The following SUN5 variants were observed in gnomAD, a reference collection of about 807,000 sequenced individuals.
SUN5 encodes Sad1 and UNC84 domain containing 5.
A neutral mutation model predicts 53.7 loss-of-function variants in SUN5; 44 were observed. The observed-to-expected ratio is 0.82, with a 90% CI of 0.64 to 1.05. The LOEUF is 1.05. Among genes scored for constraint, SUN5 ranks in the 50% least tolerant of loss-of-function variants. The probability of loss-of-function intolerance (pLI) is 0.00; values close to 1 mark genes in which losing one functional copy is unlikely to be tolerated. For synonymous variants in SUN5, 166 were observed against 179.8 expected (o/e 0.92, Z 0.62); for missense variants, 433 against 483.8 (o/e 0.90, Z 0.98).
chr20:32,985,353 G>A (rs1262257231), intron 11 of SUN5, among the ~76,000 whole-genome samples, 168 bp from the exon 12 acceptor site: 1 of 152,128 alleles, frequency 6.6e-6, no homozygotes, highest in East Asian at 1.9e-4. Context: ...GCACTGGCCT[G>A]GGAGTCAGAG....
rs753815305 is a variant in SUN5 at position 32,989,611 on chromosome 20, G to A, written c.613+9C>T. On this transcript the variant is annotated intron_variant, in intron 9 of 12. Coordinates refer to ENST00000356173, the MANE Select transcript of SUN5 (RefSeq NM_080675.4). ...AGGCAGTCAGATGGTGGGGAAGGGG[G>A]TCACCTACCTATAGACTTCAGGGCA... is the stretch of plus-strand genomic sequence containing the variant. 2.6e-5 allele frequency: 42 copies of A among 1,613,308 alleles called. No homozygotes were observed. Among genetic ancestry groups the A allele is most frequent in the Non-Finnish European group, 3.5e-5 (41 of 1,179,510 alleles).
At position 33,002,668 on chromosome 20, in the gene SUN5, A is replaced by C; in HGVS notation, c.137-7T>G. 6.2e-7 allele frequency: 1 copy of C among 1,614,216 alleles called. No homozygotes were observed. Among genetic ancestry groups the C allele is most frequent in the South Asian group, 1.1e-5 (1 of 91,086 alleles). On this transcript the variant is annotated splice_polypyrimidine_tract_variant and splice_region_variant and intron_variant, in intron 2 of 12. Coordinates refer to ENST00000356173, the MANE Select transcript of SUN5 (RefSeq NM_080675.4). ...GGCAACAGGATGTTGTCATCTGCAGAGAGCACAGGACTGTCATGTCACTGC... is the reference window on the plus strand; with the variant it reads ...GGCAACAGGATGTTGTCATCTGCAGCGAGCACAGGACTGTCATGTCACTGC...
At chr20:32,987,819 C>T in intron 9 of SUN5, 44 bp from the exon 10 acceptor site, 1 of 1,543,536 alleles carries the variant, frequency 6.5e-7, no homozygotes, top group Non-Finnish European at 8.9e-7. Context: ...CGGGCTTCTG[C>T]CTGGTGGAGG....
At chr20:32,998,175 C>CAAAA (rs35729664) in intron 5 of SUN5, among the ~76,000 whole-genome samples, 13,564 of 59,364 alleles carry the variant, frequency 0.23, 1,994 homozygotes, top group East Asian at 0.63. Context: ...CCCATCTCTA[C>CAAAA]AAAAAAAAAA....
At chr20:32,996,192 G>T in intron 7 of SUN5, 132 bp downstream of exon 7, 1 of 821,904 alleles carries the variant, frequency 1.2e-6, no homozygotes. Context: ...CCATGTAGAA[G>T]GCATGGGAGT....
chr20:32,995,134 T>C (rs948462503), intron 8 of SUN5, among the ~76,000 whole-genome samples: 2 of 152,054 alleles, frequency 1.3e-5, no homozygotes, highest in African/African-American at 2.4e-5. Context: ...TTTTAAGAGA[T>C]AAAAGGTAAA....
chr20:32,985,290 A>G (rs1989506166), intron 11 of SUN5, 105 bp from the exon 12 acceptor site: 2 of 1,013,048 alleles, frequency 2.0e-6, no homozygotes. Flanking sequence ...ATGGGAGCTC[A>G]CTACCTCTTT....
intron 8 of SUN5, among the ~76,000 whole-genome samples, chr20:32,993,654 G>A (rs146698831): frequency 4.2e-4 from 64 of 152,278 alleles, no homozygotes; most frequent in Non-Finnish European, 1.3e-4. Context: ...CCCTTTGAGG[G>A]AGGGCACCGC....
At chr20:32,987,568 T>TC in intron 10 of SUN5, 92 bp downstream of exon 10, 1 of 583,638 alleles carries the variant, frequency 1.7e-6, no homozygotes, top group Non-Finnish European at 2.5e-6. Context: ...CTCCCTTTGC[T>TC]CCCACCCCCT....
At chr20:32,994,585 T>TAA (rs3046318) in intron 8 of SUN5, among the ~76,000 whole-genome samples, 52,363 of 152,008 alleles carry the variant, frequency 0.34, 9,689 homozygotes, top group East Asian at 0.79. Context: ...ATCCTAGAAC[T>TAA]AAACAATGCA....
chr20:33,002,523 C>A (rs551507787), intron 3 of SUN5, 64 bp downstream of exon 3: 1 of 1,559,170 alleles, frequency 6.4e-7, no homozygotes, highest in Middle Eastern at 1.7e-4. Flanking sequence ...CAGCCTGGGC[C>A]GAGGCTGGAC....
In SUN5 at chr20:32,983,839, C is replaced by G; in HGVS notation, c.1095G>C (p.Pro365=). The G allele has an allele frequency of 6.3e-7, 1 of 1,583,520 alleles. No homozygotes were observed. Among genetic ancestry groups the G allele is most frequent in the Non-Finnish European group, 8.6e-7 (1 of 1,164,072 alleles). ...YRVRVHGSVA[P]PREQPHQNPY... is the part of the protein sequence containing the mutation. ...GGTTCTGGTGAGGCTGCTCTCTGGG[C>G]GGGGCCACAGAGCCATGCACTCGCA... The change falls in exon 13 of 13, where the codon CCG becomes CCC. Residue 365 remains proline (P), a synonymous_variant. Coordinates refer to ENST00000356173, the MANE Select transcript of SUN5 (RefSeq NM_080675.4).
chr20:32,989,246 G>A (rs1989639642), intron 9 of SUN5, among the ~76,000 whole-genome samples: 1 of 152,188 alleles, frequency 6.6e-6, no homozygotes, highest in African/African-American at 2.4e-5. Context: ...TCTTGACTGC[G>A]GGTTGGAGAT....
chr20:32,997,316 T>G (rs923212114), intron 6 of SUN5, among the ~76,000 whole-genome samples: 1 of 152,308 alleles, frequency 6.6e-6, no homozygotes, highest in East Asian at 1.9e-4. Flanking sequence ...ACAAGCTGCC[T>G]TAAGTACAGA....
chr20:33,001,544 TTC>T lies in SUN5; in HGVS notation c.212-268_212-267del, dbSNP rs1335969371. Among the ~76,000 whole-genome samples the T allele has an allele frequency of 5.5e-3, 764 of 138,708 alleles. 10 individuals carry two copies. The highest frequency in any genetic ancestry group is 0.023 in the African/African-American group (713 of 30,624). 91.0% of individuals were successfully genotyped at this position (138,708 alleles called of 152,430 possible). ...CTTCTTTCTTTCTTTCTTTCTTTCTTTCTTTCTTTCTTTCTTTCTTTTCTTCC... is the reference window on the plus strand; with the variant it reads ...CTTCTTTCTTTCTTTCTTTCTTTCTTTTTCTTTCTTTCTTTCTTTTCTTCC... On this transcript the variant is annotated intron_variant, in intron 3 of 12. Coordinates refer to ENST00000356173, the MANE Select transcript of SUN5 (RefSeq NM_080675.4).
At position 32,996,801 on chromosome 20, in the gene SUN5, A is replaced by G. The variant is rs543150228; in HGVS notation, c.391-443T>C. Among the ~76,000 whole-genome samples, 22 of 152,128 alleles carry G rather than the reference A, an allele frequency of 1.4e-4. No individual in the cohort carries two copies. The South Asian group carries it at 4.6e-3, about 32-fold the overall frequency. On this transcript the variant is annotated intron_variant, in intron 6 of 12. Coordinates refer to ENST00000356173, the MANE Select transcript of SUN5 (RefSeq NM_080675.4). ...CATTCACCTATTCATGTATTCACCT[A>G]GCCTCCTATCTCTTTCCCCTAGTCC...
chr20:32,988,670 C>A (rs959338030), intron 9 of SUN5, among the ~76,000 whole-genome samples: 3 of 148,034 alleles, frequency 2.0e-5, no homozygotes, highest in Admixed American at 2.0e-4. Flanking sequence ...CTCACCGCAA[C>A]CTCCGTCCCC....
At chr20:32,992,110 C>A (rs1017474299) in intron 8 of SUN5, among the ~76,000 whole-genome samples, 2 of 152,184 alleles carry the variant, frequency 1.3e-5, no homozygotes, top group Admixed American at 1.3e-4. Context: ...CAATGTGTCC[C>A]AGCAGTGGCC....
rs552935917 is a variant in SUN5, at chr20:32,986,791, C to A, written c.729+869G>T. Among the ~76,000 whole-genome samples the A allele has an allele frequency of 2.6e-3, 398 of 152,316 alleles. 1 individual carries two copies. The highest frequency in any genetic ancestry group is 8.5e-3 in the African/African-American group (352 of 41,570). ...CTGCAGCCAGCGCTTTGCAACCCAG[C>A]CACTGCCCGCCGCGTCCCCCGCCCC... On this transcript the variant is annotated intron_variant, in intron 10 of 12. Transcript: ENST00000356173.
Sources: gnomAD v4.1 joint callset for allele counts (sites outside exome capture counted in the v4.1 genomes callset) on GRCh38, gnomAD v4.1.1 for gene constraint, MANE v1.5 for transcripts, NCBI Gene and HGNC (gene_info 2026-07-23, HGNC 2026-07-21) for gene names.